ZNF600: variants seen among roughly 807,000 people sequenced by gnomAD.
ZNF600 encodes the protein zinc finger protein KR-ZNF1.
A neutral mutation model predicts 7.3 loss-of-function variants in ZNF600; 4 were observed. That is an observed-to-expected ratio of 0.55 (90% CI 0.27 to 1.25). The LOEUF (loss-of-function observed/expected upper bound fraction) is 1.25. ZNF600 is among the 50% of genes most tolerant of loss of function. ZNF600 has a pLI of 0.12. For missense variants in ZNF600, 911 were observed against 922.1 expected (o/e 0.99, Z 0.16); for synonymous variants, 290 against 308.9 (o/e 0.94, Z 0.64).
At chr19:52,810,762 AAAG>A in the ZNF600 span, 1 of 584,470 alleles carries the variant, frequency 1.7e-6, no homozygotes. Context: ...GGGGAAAAAA[AAAG>A]AATAAAAAAA....
In ZNF600 at chr19:52,772,895, G is replaced by A. The variant is rs1225525279; in HGVS notation, c.190+1680C>T. On this transcript the variant is annotated intron_variant, in intron 3 of 3. Coordinates refer to ENST00000648973, the Ensembl canonical transcript of ZNF600. ...AGCTGGGACACAAGCGCTGAGCTGC[G>A]CTGCTGACAGTGGTTCTGAAGCCAT... 4.6e-5 allele frequency among the ~76,000 whole-genome samples: 7 copies of A among 152,172 alleles called. No individual in the cohort carries two copies. In the East Asian group the frequency reaches 5.8e-4, roughly 13 times the overall value.
At chr19:52,829,163 CTTATTT>C in the ZNF600 span, among the ~76,000 whole-genome samples, 6 of 147,910 alleles carry the variant, frequency 4.1e-5, no homozygotes, top group South Asian at 1.1e-3. Flanking sequence ...CTCACTCAGC[CTTATTT>C]TTATTTTTTT....
the ZNF600 span, among the ~76,000 whole-genome samples, chr19:52,823,564 A>T: frequency 6.6e-6 from 1 of 152,194 alleles, no homozygotes; most frequent in Admixed American, 6.5e-5. Flanking sequence ...CTCAGGTTGC[A>T]TGACCACGTT....
exon 4 of ZNF600, chr19:52,766,875 C>G (rs2062585620): frequency 6.2e-7 from 1 of 1,614,144 alleles, no homozygotes; most frequent in East Asian, 2.2e-5. Context: ...AGTATGAATT[C>G]TACGATGACG....
intron 1 of ZNF600, among the ~76,000 whole-genome samples, chr19:52,786,042 C>G (rs2062760834): frequency 6.6e-6 from 1 of 152,158 alleles, no homozygotes; most frequent in Non-Finnish European, 1.5e-5. Flanking sequence ...CTACTGCTCT[C>G]TCAGTCCCTC....
the ZNF600 span, among the ~76,000 whole-genome samples, chr19:52,796,990 C>T: frequency 1.3e-5 from 2 of 152,044 alleles, no homozygotes; most frequent in Admixed American, 6.6e-5. Context: ...CGTGAAGACC[C>T]CTTGTACTAG....
chr19:52,782,631 C>T (rs1014547048), intron 1 of ZNF600, among the ~76,000 whole-genome samples: 10 of 152,088 alleles, frequency 6.6e-5, no homozygotes, highest in East Asian at 1.9e-4. Flanking sequence ...CCCAACACTT[C>T]GGGAGGCCGA....
At chr19:52,802,800 G>A in the ZNF600 span, among the ~76,000 whole-genome samples, 8 of 136,776 alleles carry the variant, frequency 5.8e-5, no homozygotes, top group African/African-American at 1.1e-4. Context: ...TTGCTCTGTC[G>A]CCCAGGCTGG....
exon 4 of ZNF600, chr19:52,767,184 T>C: frequency 1.2e-6 from 2 of 1,614,168 alleles, no homozygotes; most frequent in South Asian, 1.1e-5. Context: ...TACATCACAT[T>C]TATATTGTTT....
chr19:52,805,712 G>A, the ZNF600 span: 2 of 151,390 alleles, frequency 1.3e-5, no homozygotes, highest in East Asian at 3.9e-4. Context: ...GCCAAGCATC[G>A]TGGTTCATGC....
the ZNF600 span, among the ~76,000 whole-genome samples, chr19:52,823,661 A>G: frequency 6.6e-6 from 1 of 152,182 alleles, no homozygotes; most frequent in Admixed American, 6.5e-5. Context: ...CTACTGAGAT[A>G]TAGGTACTAT....
the ZNF600 span, among the ~76,000 whole-genome samples, chr19:52,809,288 T>C: frequency 2.0e-5 from 3 of 152,166 alleles, no homozygotes; most frequent in Non-Finnish European, 4.4e-5. Flanking sequence ...TATGGCACTC[T>C]TTATACAGGG....
chr19:52,807,038 A>G, the ZNF600 span, among the ~76,000 whole-genome samples: 1 of 152,204 alleles, frequency 6.6e-6, no homozygotes, highest in Non-Finnish European at 1.5e-5. Context: ...GAGTTTCCCC[A>G]CACACTATTT....
At chr19:52,778,437 T>A (rs773504517) in intron 2 of ZNF600, among the ~76,000 whole-genome samples, 18 of 152,180 alleles carry the variant, frequency 1.2e-4, no homozygotes, top group Non-Finnish European at 1.8e-4. Context: ...TTCCAGAATT[T>A]ACTAGATATC....
intron 1 of ZNF600, among the ~76,000 whole-genome samples, chr19:52,779,175 C>A (rs2062700685): frequency 6.6e-6 from 1 of 152,186 alleles, no homozygotes; most frequent in African/African-American, 2.4e-5. Flanking sequence ...CCCTTCAGGG[C>A]ACAAACCCAT....
the ZNF600 span, among the ~76,000 whole-genome samples, chr19:52,823,867 G>A: frequency 1.3e-5 from 2 of 151,782 alleles, no homozygotes. Flanking sequence ...GTTGGAGACC[G>A]GCCTGACCAA....
At chr19:52,776,126 T>G (rs2062673443) in intron 2 of ZNF600, among the ~76,000 whole-genome samples, 1 of 142,440 alleles carries the variant, frequency 7.0e-6, no homozygotes, top group Non-Finnish European at 1.5e-5. Flanking sequence ...AATAACATAC[T>G]GTCCCATGAA....
exon 4 of ZNF600, chr19:52,765,128 G>C (rs936003460): frequency 2.0e-5 from 8 of 404,088 alleles, no homozygotes; most frequent in Non-Finnish European, 4.0e-5. Flanking sequence ...ACTGACTCTA[G>C]TGTCAATTAA....
the ZNF600 span, chr19:52,807,906 A>G: frequency 6.4e-7 from 1 of 1,561,252 alleles, no homozygotes; most frequent in Non-Finnish European, 8.7e-7. Flanking sequence ...TTCAAAATCA[A>G]TACGGCTTCC....
Sources: allele counts gnomAD v4.1 joint callset (sites outside exome capture counted in the v4.1 genomes callset), GRCh38; gene constraint gnomAD v4.1.1; transcripts MANE v1.5; gene names NCBI Gene and HGNC (gene_info 2026-07-23, HGNC 2026-07-21).